The following ITGB8 variants were observed in gnomAD, a reference collection of about 807,000 sequenced individuals.
ITGB8 encodes integrin beta-8.
A neutral mutation model predicts 89.5 loss-of-function variants in ITGB8; 30 were observed. The observed-to-expected ratio is 0.34, with a 90% CI of 0.25 to 0.45. The LOEUF (loss-of-function observed/expected upper bound fraction) is 0.45. ITGB8 is among the 20% of genes least tolerant of loss of function. The pLI is 1.00. For missense variants in ITGB8, 836 were observed against 933.3 expected, an observed-to-expected ratio of 0.90 and a Z score of 1.36; for synonymous variants, 335 against 320.4, an observed-to-expected ratio of 1.05 and a Z score of -0.49.
At chr7:20,394,557 C>G (rs1014837564) in intron 7 of ITGB8, among the ~76,000 whole-genome samples, 7 of 152,162 alleles carry the variant, frequency 4.6e-5, no homozygotes, top group Non-Finnish European at 8.8e-5. Flanking sequence ...CTCATTTGCC[C>G]TCAAAACTTT....
At chr7:20,394,003 T>C (rs1463503543) in intron 7 of ITGB8, among the ~76,000 whole-genome samples, 1 of 152,190 alleles carries the variant, frequency 6.6e-6, no homozygotes, top group African/African-American at 2.4e-5. Flanking sequence ...CTATGTGACC[T>C]AGTGATTTGG....
chr7:20,376,491 A>G (rs1786151391), intron 3 of ITGB8, among the ~76,000 whole-genome samples: 1 of 152,198 alleles, frequency 6.6e-6, no homozygotes, highest in African/African-American at 2.4e-5. Flanking sequence ...TGCTGCAAAA[A>G]GGTATTTCTA....
chr7:20,335,593 C>G (rs7785273), intron 1 of ITGB8, among the ~76,000 whole-genome samples: 1 of 151,974 alleles, frequency 6.6e-6, no homozygotes, highest in Non-Finnish European at 1.5e-5. Flanking sequence ...GTGGCAAAAC[C>G]TTTTTATCTC....
intron 1 of ITGB8, among the ~76,000 whole-genome samples, chr7:20,361,285 C>T (rs1012338832): frequency 2.7e-4 from 41 of 152,196 alleles, no homozygotes; most frequent in African/African-American, 9.4e-4. Flanking sequence ...TTTCATGTTT[C>T]AGTTGAGTCA....
chr7:20,337,869 A>G (rs771950397), intron 1 of ITGB8, among the ~76,000 whole-genome samples: 1 of 152,186 alleles, frequency 6.6e-6, no homozygotes, highest in East Asian at 1.9e-4. Context: ...TCTTAGCCTA[A>G]ACAGCCTCAG....
In ITGB8 at chr7:20,415,588, T is replaced by C. The variant is rs1016977166; in HGVS notation, c.*5591T>C. ...TGATTGACTACTAACTTCTGTTTTA[T>C]GTATTTATTAAAGAGCTGACACTGT... On this transcript the variant is annotated 3_prime_UTR_variant, in exon 14 of 14. Transcript: ENST00000222573. The C allele has an allele frequency of 6.6e-6, 1 of 152,594 alleles. No individual in the cohort carries two copies. Among genetic ancestry groups the C allele is most frequent in the African/African-American group, 2.4e-5 (1 of 41,466 alleles). 9.5% of individuals were successfully genotyped at this position (152,594 alleles called of 1,614,324 possible). A position where few individuals can be genotyped will look rare whatever the true frequency, so the allele number is the denominator to read the frequency against.
upstream of ITGB8, among the ~76,000 whole-genome samples, chr7:20,330,385 C>A (rs1784333205): frequency 6.6e-6 from 1 of 152,288 alleles, no homozygotes; most frequent in Non-Finnish European, 1.5e-5. Flanking sequence ...TATCTCCGAA[C>A]AAAGCGGCGA....
chr7:20,390,965 G>A lies in ITGB8; in HGVS notation c.961-438G>A, dbSNP rs1786830373. On this transcript the variant is annotated intron_variant, in intron 6 of 13. Transcript: ENST00000222573. ...ATAGTATATGTGGATGTTTGAATGTGTATGTGTATATATATGTTTATAGGC... is the reference window on the plus strand; with the variant it reads ...ATAGTATATGTGGATGTTTGAATGTATATGTGTATATATATGTTTATAGGC... Among the ~76,000 whole-genome samples the A allele has an allele frequency of 2.0e-5, 3 of 152,066 alleles. No individual in the cohort carries two copies. In the South Asian group the frequency reaches 6.2e-4, roughly 32 times the overall value.
chr7:20,393,745 C>T (rs73683475), intron 7 of ITGB8, among the ~76,000 whole-genome samples: 13 of 152,300 alleles, frequency 8.5e-5, no homozygotes, highest in African/African-American at 3.1e-4. Flanking sequence ...TGCCCACCCT[C>T]GCTTCTCATG....
Position 20,409,902 on chromosome 7 carries a change from A to G in ITGB8, c.2215A>G (p.Thr739Ala), listed in dbSNP as rs754971087. Residue 739 changes from threonine (T) to alanine (A), a missense_variant, in exon 14 of 14, where the codon ACA becomes GCA. Coordinates refer to ENST00000222573, the MANE Select transcript of ITGB8 (RefSeq NM_002214.3). ...TAAGTTGATTCTGCAAAGTGTTTGCACAAGAGCAGTCACCTACCGACGTGA... is the reference window on the plus strand; with the variant it reads ...TAAGTTGATTCTGCAAAGTGTTTGCGCAAGAGCAGTCACCTACCGACGTGA... ...KDKLILQSVC[T>A]RAVTYRREKP... The G allele has an allele frequency of 1.2e-6, 2 of 1,613,816 alleles. No homozygotes were observed. The highest frequency in any genetic ancestry group is 2.2e-5 in the East Asian group (1 of 44,880).
At chr7:20,386,103 T>C (rs1212341149) in intron 6 of ITGB8, among the ~76,000 whole-genome samples, 1 of 152,234 alleles carries the variant, frequency 6.6e-6, no homozygotes, top group Non-Finnish European at 1.5e-5. Flanking sequence ...GTGCCAGGTA[T>C]GGAATACAAC....
intron 1 of ITGB8, among the ~76,000 whole-genome samples, chr7:20,362,396 A>AT (rs1324717164): frequency 5.9e-5 from 9 of 152,286 alleles, no homozygotes; most frequent in Admixed American, 3.3e-4. Flanking sequence ...TATGTAATAC[A>AT]TTTTTTAAAG....
At chr7:20,406,008 T>C in intron 11 of ITGB8, 54 bp from the exon 12 acceptor site, 2 of 1,040,150 alleles carry the variant, frequency 1.9e-6, no homozygotes, top group Non-Finnish European at 3.0e-6. Flanking sequence ...GAAAATATTA[T>C]AGTCCACCAC....
chr7:20,353,803 G>A (rs992236651), intron 1 of ITGB8, among the ~76,000 whole-genome samples: 9 of 150,252 alleles, frequency 6.0e-5, no homozygotes, highest in Admixed American at 2.0e-4. Context: ...GTGGTGGCGC[G>A]CGCCTGTAGT....
rs1042064868 is a variant in ITGB8, at chr7:20,414,461, T to C, written c.*4464T>C. On this transcript the variant is annotated 3_prime_UTR_variant, in exon 14 of 14. Transcript: ENST00000222573. The stretch of plus-strand genomic sequence containing the variant: ...ATTATTTTTATTCTATTATATGAGA[T>C]CCTTTTATATTATCATCTCACTTTT... 3 of 152,542 alleles carry C rather than the reference T, an allele frequency of 2.0e-5. No homozygotes were observed. Among genetic ancestry groups the C allele is most frequent in the Admixed American group, 6.6e-5 (1 of 15,256 alleles). The allele number at this position is 152,542 out of a possible 1,614,324, so 9.4% of individuals were successfully genotyped here. A position where few individuals can be genotyped will look rare whatever the true frequency, so the allele number is the denominator to read the frequency against.
At chr7:20,383,131 T>G (rs897642652) in intron 6 of ITGB8, among the ~76,000 whole-genome samples, 1 of 152,190 alleles carries the variant, frequency 6.6e-6, no homozygotes, top group Non-Finnish European at 1.5e-5. Context: ...GTGGTTCCCA[T>G]GGGTAAATTT....
At chr7:20,332,091 C>G in intron 1 of ITGB8, 158 bp downstream of exon 1, 6 of 1,398,842 alleles carry the variant, frequency 4.3e-6, no homozygotes, top group Non-Finnish European at 5.6e-6. Flanking sequence ...CACAGATGGC[C>G]TAGAGGCCAG....
chr7:20,339,201 A>G, intron 1 of ITGB8, among the ~76,000 whole-genome samples: 1 of 152,238 alleles, frequency 6.6e-6, no homozygotes, highest in East Asian at 1.9e-4. Context: ...GAAAAAAAAA[A>G]AAAAAAACAA....
At chr7:20,351,077 A>C (rs767971851) in intron 1 of ITGB8, among the ~76,000 whole-genome samples, 2 of 152,208 alleles carry the variant, frequency 1.3e-5, no homozygotes, top group Non-Finnish European at 2.9e-5. Flanking sequence ...TACTAGGGAG[A>C]ATCTAACATT....
Sources: gnomAD v4.1 joint callset for allele counts (sites outside exome capture counted in the v4.1 genomes callset) on GRCh38, gnomAD v4.1.1 for gene constraint, MANE v1.5 for transcripts, NCBI Gene and HGNC (gene_info 2026-07-23, HGNC 2026-07-21) for gene names.